The following SDHB variants were observed in gnomAD, a reference collection of about 807,000 sequenced individuals.
SDHB encodes the protein succinate dehydrogenase complex iron sulfur subunit B.
A neutral mutation model predicts 39.7 loss-of-function variants in SDHB; 21 were observed. The observed-to-expected ratio is 0.53, with a 90% CI of 0.37 to 0.76. The LOEUF (loss-of-function observed/expected upper bound fraction) is 0.76, where lower values mean the gene tolerates loss of function less well. Among genes scored for constraint, SDHB ranks in the 30% least tolerant of loss-of-function variants. The pLI is 0.00. For synonymous variants in SDHB, 118 were observed against 117.0 expected (o/e 1.01, Z -0.06); for missense variants, 343 against 350.9 (o/e 0.98, Z 0.18).
At chr1:17,028,293 A>G (rs910307058) in intron 4 of SDHB, among the ~76,000 whole-genome samples, 1 of 152,138 alleles carries the variant, frequency 6.6e-6, no homozygotes, top group African/African-American at 2.4e-5. Flanking sequence ...GTGCCCCATT[A>G]TTCTCAAACA....
In SDHB at chr1:17,045,120, C is replaced by A; in HGVS notation, c.73-232G>T. The A allele has an allele frequency of 7.6e-6, 4 of 524,606 alleles. No homozygotes were observed. The South Asian group carries it at 8.3e-5, about 11-fold the overall frequency. The allele number at this position is 524,606 out of a possible 1,614,324, so 32.5% of individuals were successfully genotyped here. The stretch of plus-strand genomic sequence containing the variant: ...GACACAGCACTTAATACACAAAAAC[C>A]TTCATCTTCACAGAACTTACTTTGT... On this transcript the variant is annotated intron_variant, in intron 1 of 7. Transcript: ENST00000375499.
intron 3 of SDHB, among the ~76,000 whole-genome samples, chr1:17,030,744 C>T (rs1344264470): frequency 6.6e-5 from 10 of 151,608 alleles, no homozygotes; most frequent in Non-Finnish European, 1.5e-4. Context: ...TGCAGTGGCA[C>T]GATCTCGGCT....
At chr1:17,027,947 C>G (rs2078000886) in intron 4 of SDHB, 82 bp from the exon 5 acceptor site, 2 of 824,670 alleles carry the variant, frequency 2.4e-6, no homozygotes, top group East Asian at 5.1e-5. Context: ...TACCCCATTT[C>G]TTGGACACTG....
intron 6 of SDHB, 67 bp from the exon 7 acceptor site, chr1:17,022,797 C>A: frequency 6.4e-7 from 1 of 1,570,552 alleles, no homozygotes; most frequent in South Asian, 1.1e-5. Flanking sequence ...TGGCTCAACT[C>A]AAAGCTCTGG....
chr1:17,048,091 C>A lies in SDHB; in HGVS notation c.73-3203G>T, dbSNP rs538300557. Among the ~76,000 whole-genome samples the A allele has an allele frequency of 7.2e-5, 11 of 152,308 alleles. No individual in the cohort carries two copies. In the East Asian group the frequency reaches 2.1e-3, roughly 29 times the overall value. On this transcript the variant is annotated intron_variant, in intron 1 of 7. Coordinates refer to ENST00000375499, the MANE Select transcript of SDHB (RefSeq NM_003000.3). ...AAGATAGGGGACATTCCCATAAGCACAGGATCACTAACATTGCCCTTTTAT... is the reference window on the plus strand; with the variant it reads ...AAGATAGGGGACATTCCCATAAGCAAAGGATCACTAACATTGCCCTTTTAT...
At chr1:17,042,031 C>T (rs2078082806) in intron 2 of SDHB, among the ~76,000 whole-genome samples, 1 of 152,030 alleles carries the variant, frequency 6.6e-6, no homozygotes. Context: ...AAGTGATTCT[C>T]CCCCATTAGC....
intron 6 of SDHB, 65 bp downstream of exon 6, chr1:17,023,908 T>C (rs1430985316): frequency 4.9e-6 from 6 of 1,236,182 alleles, no homozygotes; most frequent in South Asian, 1.2e-5. Flanking sequence ...AGCAATCTAT[T>C]GTCCTCTTGG....
chr1:17,035,751 T>C (rs1335035594), intron 2 of SDHB, among the ~76,000 whole-genome samples: 2 of 151,934 alleles, frequency 1.3e-5, no homozygotes, highest in Non-Finnish European at 2.9e-5. Flanking sequence ...TCCCAATTAC[T>C]TGGGAGGCTG....
Position 17,028,318 on chromosome 1 carries a change from A to AGCT in SDHB, c.423+279_423+281dup, listed in dbSNP as rs1485954142. Among the ~76,000 whole-genome samples the AGCT allele has an allele frequency of 3.3e-5, 5 of 152,314 alleles. No homozygotes were observed. In the East Asian group the frequency reaches 9.7e-4, roughly 29 times the overall value. On this transcript the variant is annotated intron_variant, in intron 4 of 7. Coordinates refer to ENST00000375499, the MANE Select transcript of SDHB (RefSeq NM_003000.3). ...ATTCTCAAACAAACCTCACCAAATG[A>AGCT]GCTGCTGGAGGATTTTCTAGGCGTT...
At chr1:17,039,702 G>T (rs1019834770) in intron 2 of SDHB, among the ~76,000 whole-genome samples, 8 of 152,096 alleles carry the variant, frequency 5.3e-5, no homozygotes, top group Admixed American at 2.0e-4. Flanking sequence ...AGTTACTATT[G>T]TGCAACTTTA....
intron 3 of SDHB, among the ~76,000 whole-genome samples, chr1:17,029,073 T>C (rs1455523069): frequency 2.0e-5 from 3 of 148,286 alleles, no homozygotes; most frequent in African/African-American, 7.4e-5. Flanking sequence ...GTGTCACGTG[T>C]TTTGAAGAAA....
chr1:17,045,396 T>C (rs182986131), intron 1 of SDHB, among the ~76,000 whole-genome samples: 1 of 152,166 alleles, frequency 6.6e-6, no homozygotes, highest in East Asian at 1.9e-4. Flanking sequence ...AGAGAATTGC[T>C]TGAGCCCATG....
intron 3 of SDHB, among the ~76,000 whole-genome samples, chr1:17,031,795 T>C (rs1361959859): frequency 1.3e-5 from 2 of 152,280 alleles, no homozygotes; most frequent in African/African-American, 4.8e-5. Flanking sequence ...ACTCTCTGCT[T>C]TTGTTTTATC....
chr1:17,030,390 C>A (rs2078016061), intron 3 of SDHB, among the ~76,000 whole-genome samples: 1 of 151,972 alleles, frequency 6.6e-6, no homozygotes, highest in South Asian at 2.1e-4. Context: ...TACCCTGGGG[C>A]TATGAAATCC....
intron 2 of SDHB, among the ~76,000 whole-genome samples, chr1:17,033,978 A>G (rs539267071): frequency 2.0e-5 from 3 of 152,326 alleles, no homozygotes; most frequent in South Asian, 4.1e-4. Flanking sequence ...GTTACTGTGA[A>G]AATTACATAA....
intron 3 of SDHB, 101 bp downstream of exon 3, chr1:17,032,959 G>C (rs2078031368): frequency 9.3e-6 from 8 of 859,698 alleles, no homozygotes; most frequent in Non-Finnish European, 1.6e-5. Context: ...ACCCAGCAGA[G>C]AGCTGCAGCT....
rs786203506 is a variant in SDHB at position 17,028,649 on chromosome 1, G to A, written c.374C>T (p.Ser125Leu). Residue 125 changes from serine to leucine, a missense_variant, in exon 4 of 8, where the codon TCA (serine) becomes TTA (leucine). By Grantham distance (145) the Ser-to-Leu change is moderately radical. Transcript: ENST00000375499. ...CATGTGTGGAAGAGGGTAGATTTTT[G>A]AGACCTTATTGAGGTTGGTGTCAAT... ...RRIDTNLNKV[S>L]KIYPLPHMYV... 1.9e-6 allele frequency: 3 copies of A among 1,614,154 alleles called. No individual in the cohort carries two copies. Among genetic ancestry groups the A allele is most frequent in the Non-Finnish European group, 2.5e-6 (3 of 1,180,006 alleles).
intron 3 of SDHB, among the ~76,000 whole-genome samples, chr1:17,031,712 T>C (rs937493779): frequency 9.9e-5 from 15 of 152,210 alleles, no homozygotes; most frequent in Admixed American, 8.5e-4. Context: ...CATGGGCCGG[T>C]ATCAATACTG....
chr1:17,033,607 G>A (rs565413188), intron 2 of SDHB, among the ~76,000 whole-genome samples: 4 of 152,310 alleles, frequency 2.6e-5, no homozygotes, highest in Admixed American at 2.0e-4. Context: ...TCAAATCACT[G>A]TGAGCCTCCT....
Sources: allele counts gnomAD v4.1 joint callset (sites outside exome capture counted in the v4.1 genomes callset), GRCh38; gene constraint gnomAD v4.1.1; transcripts MANE v1.5; gene names NCBI Gene and HGNC (gene_info 2026-07-23, HGNC 2026-07-21).